POLR1B: variants seen among roughly 807,000 people sequenced by gnomAD.
POLR1B encodes the protein DNA-directed RNA polymerase I subunit RPA2.
POLR1B carries 30 observed loss-of-function variants against 105.8 expected under a neutral mutation model. The ratio of observed to expected loss-of-function variants is 0.28; its 90% CI spans 0.21 to 0.38. The LOEUF (loss-of-function observed/expected upper bound fraction) is 0.38, where lower values mean the gene tolerates loss of function less well. Ranked by LOEUF, POLR1B falls within the 10% of genes least tolerant of loss-of-function variation. The pLI is 1.00. For missense variants in POLR1B, 976 were observed against 1,435.8 expected, an observed-to-expected ratio of 0.68 and a Z score of 5.17; for synonymous variants, 485 against 505.1, an observed-to-expected ratio of 0.96 and a Z score of 0.53.
At chr2:112,549,861 C>T (rs560143859) in intron 4 of POLR1B, among the ~76,000 whole-genome samples, 17 of 152,148 alleles carry the variant, frequency 1.1e-4, no homozygotes, top group African/African-American at 3.4e-4. Flanking sequence ...CGCGTGCACA[C>T]GTACTACAAA....
chr2:112,573,920 C>T, intron 14 of POLR1B, 105 bp downstream of exon 14: 2 of 1,335,916 alleles, frequency 1.5e-6, no homozygotes, highest in Admixed American at 2.2e-5. Context: ...GATCTCAGCT[C>T]ACTACAACCA....
intron 11 of POLR1B, 88 bp downstream of exon 11, chr2:112,568,225 G>C (rs933132962): frequency 3.7e-5 from 49 of 1,309,468 alleles, no homozygotes; most frequent in Non-Finnish European, 4.8e-5. Context: ...TTTTTAAAAG[G>C]GTTGTTAATG....
At chr2:112,559,627 GTTCTT>G in intron 9 of POLR1B, 53 bp downstream of exon 9, 1 of 1,568,160 alleles carries the variant, frequency 6.4e-7, no homozygotes, top group East Asian at 2.3e-5. Flanking sequence ...GTTTTTTTGT[GTTCTT>G]TTTGTTTGTT....
intron 9 of POLR1B, among the ~76,000 whole-genome samples, chr2:112,562,478 C>T (rs929702666): frequency 2.0e-5 from 3 of 152,030 alleles, no homozygotes; most frequent in African/African-American, 7.3e-5. Context: ...GGTTCCAGAG[C>T]GCTGCAATAA....
chr2:112,568,284 T>G (rs1281613885), intron 11 of POLR1B, 147 bp downstream of exon 11: 7 of 796,980 alleles, frequency 8.8e-6, no homozygotes, highest in Non-Finnish European at 1.4e-5. Flanking sequence ...TTCCACCTCC[T>G]CTATGATCAG....
rs1389189630 is a variant in POLR1B, at chr2:112,551,918, C to T, written c.906C>T (p.Asn302=). 4 of 1,614,078 alleles carry T rather than the reference C, an allele frequency of 2.5e-6. No homozygotes were observed. In the African/African-American group the frequency reaches 5.3e-5, roughly 22 times the overall value. The change falls in exon 6 of 15, where the codon AAC becomes AAT. Residue 302 remains asparagine (N), a synonymous_variant. Coordinates refer to ENST00000263331, the MANE Select transcript of POLR1B (RefSeq NM_019014.6). Reference sequence around the variant, plus strand: ...GTTCGACACAAAAACAGGTCCTTAACTACCTAGGTGAATGCTTCAGAGTAA... The same window carrying T: ...GTTCGACACAAAAACAGGTCCTTAATTACCTAGGTGAATGCTTCAGAGTAA... ...EGCSTQKQVL[N]YLGECFRVKL...
At chr2:112,553,948 G>A (rs1262860959) in intron 7 of POLR1B, among the ~76,000 whole-genome samples, 1 of 152,066 alleles carries the variant, frequency 6.6e-6, no homozygotes, top group African/African-American at 2.4e-5. Context: ...TGATTCAGTG[G>A]CATTTTATAT....
chr2:112,573,885 C>A, intron 14 of POLR1B, 70 bp downstream of exon 14: 1 of 1,546,936 alleles, frequency 6.5e-7, no homozygotes, highest in Admixed American at 1.8e-5. Flanking sequence ...CTCAGTGTGT[C>A]AGCCGGGCTG....
intron 8 of POLR1B, 27 bp from the exon 9 acceptor site, chr2:112,559,266 T>A: frequency 6.2e-7 from 1 of 1,607,510 alleles, no homozygotes; most frequent in South Asian, 1.1e-5. Flanking sequence ...GATTGGCCCA[T>A]TTTTGAATGA....
chr2:112,558,503 G>T (rs1683787306), intron 8 of POLR1B, among the ~76,000 whole-genome samples: 1 of 152,160 alleles, frequency 6.6e-6, no homozygotes, highest in African/African-American at 2.4e-5. Context: ...GGTCAAGGCT[G>T]CAGTGAGCTG....
intron 1 of POLR1B, among the ~76,000 whole-genome samples, chr2:112,544,088 T>TAA (rs75593699): frequency 1.4e-5 from 2 of 145,038 alleles, no homozygotes; most frequent in African/African-American, 5.0e-5. Context: ...GACCTGTCTT[T>TAA]AAAAAAAAAA....
intron 3 of POLR1B, among the ~76,000 whole-genome samples, chr2:112,548,902 G>A (rs1000920387): frequency 1.6e-4 from 25 of 152,134 alleles, no homozygotes; most frequent in Admixed American, 1.2e-3. Flanking sequence ...GTGAGCCACC[G>A]CGCCCGGCCC....
In POLR1B at chr2:112,579,149, A is replaced by C. The variant is rs1404141524; in HGVS notation, c.*3420A>C. ...CTTGAACCCAGGAGGCAGAGGTTGCAGTGAGCCAAGATCACGCCACTGCAC... is the reference window on the plus strand; with the variant it reads ...CTTGAACCCAGGAGGCAGAGGTTGCCGTGAGCCAAGATCACGCCACTGCAC... On this transcript the variant is annotated 3_prime_UTR_variant, in exon 15 of 15. Coordinates refer to ENST00000263331, the MANE Select transcript of POLR1B (RefSeq NM_019014.6). Among the ~76,000 whole-genome samples, 1 of 132,390 alleles carries C rather than the reference A, an allele frequency of 7.6e-6. No individual in the cohort carries two copies. Among genetic ancestry groups the C allele is most frequent in the Admixed American group, 9.2e-5 (1 of 10,898 alleles). The allele number at this position is 132,390 out of a possible 152,430, so 86.9% of individuals were successfully genotyped here.
intron 7 of POLR1B, among the ~76,000 whole-genome samples, chr2:112,556,371 T>TAGTC (rs1683664124): frequency 6.6e-6 from 1 of 152,248 alleles, no homozygotes; most frequent in Non-Finnish European, 1.5e-5. Flanking sequence ...TACTAGTGTG[T>TAGTC]AGTCAGTTGT....
intron 7 of POLR1B, chr2:112,553,345 G>T (rs555972819): frequency 6.6e-6 from 1 of 152,074 alleles, no homozygotes; most frequent in Non-Finnish European, 1.5e-5. Flanking sequence ...TCACATTGTC[G>T]TGCTTCTTAT....
At chr2:112,545,103 G>T (rs540414877) in intron 1 of POLR1B, among the ~76,000 whole-genome samples, 1 of 152,258 alleles carries the variant, frequency 6.6e-6, no homozygotes. Flanking sequence ...TTTTGTTGGT[G>T]ATTTTGCTGT....
rs56190123 is a variant in POLR1B at position 112,579,208 on chromosome 2, CAAAAAAAAAAAA to C, written c.*3500_*3511del. Reference sequence around the variant, plus strand: ...GGGCAACAGAGCAAGACTAGAGTCTCAAAAAAAAAAAAAAAAAAAAAAAAAAAAAAAAGGAAA... The same window carrying C: ...GGGCAACAGAGCAAGACTAGAGTCTCAAAAAAAAAAAAAAAAAAAAGGAAA... On this transcript the variant is annotated 3_prime_UTR_variant, in exon 15 of 15. Coordinates refer to ENST00000263331, the MANE Select transcript of POLR1B (RefSeq NM_019014.6). Among the ~76,000 whole-genome samples the C allele has an allele frequency of 7.3e-4, 43 of 58,692 alleles. No individual in the cohort carries two copies. Among genetic ancestry groups the C allele is most frequent in the South Asian group, 5.1e-3 (5 of 988 alleles). 38.5% of individuals were successfully genotyped at this position (58,692 alleles called of 152,430 possible). A position where few individuals can be genotyped will look rare whatever the true frequency, so the allele number is the denominator to read the frequency against.
In POLR1B at chr2:112,559,432, G is replaced by T; in HGVS notation, c.1470G>T (p.Leu490=). ...KMRTTTVRRL[L]PESWGFLCPV... ...GGACCACCACAGTACGCAGGCTGCT[G>T]CCAGAGTCCTGGGGCTTCCTTTGTC... Residue 490 remains leucine, a synonymous_variant, in exon 9 of 15, where the codon CTG becomes CTT. Coordinates refer to ENST00000263331, the MANE Select transcript of POLR1B (RefSeq NM_019014.6). The T allele has an allele frequency of 6.2e-7, 1 of 1,614,240 alleles. No homozygotes were observed.
chr2:112,572,859 A>AG, intron 13 of POLR1B, 101 bp downstream of exon 13: 9 of 997,128 alleles, frequency 9.0e-6, no homozygotes, highest in Non-Finnish European at 1.2e-5. Flanking sequence ...CCAAGTACCT[A>AG]GTATTTGGCA....
Sources: gnomAD v4.1 joint callset for allele counts (sites outside exome capture counted in the v4.1 genomes callset) on GRCh38, gnomAD v4.1.1 for gene constraint, MANE v1.5 for transcripts, NCBI Gene and HGNC (gene_info 2026-07-23, HGNC 2026-07-21) for gene names.